The following TPRG1 variants were observed in gnomAD, a reference collection of about 807,000 sequenced individuals.
The protein encoded by TPRG1 is tumor protein p63-regulated gene 1 protein.
Under a neutral mutation model 29.3 loss-of-function variants are expected in TPRG1, and 29 were observed. That is an observed-to-expected ratio of 0.99 (90% confidence interval 0.74 to 1.35). TPRG1 has a LOEUF of 1.35. Ranked by LOEUF, TPRG1 falls within the 40% of genes most tolerant of loss-of-function variation. The pLI is 0.00. For synonymous variants in TPRG1, 130 were observed against 116.8 expected (o/e 1.11, Z -0.73); for missense variants, 327 against 335.0 (o/e 0.98, Z 0.19).
chr3:189,211,494 C>G (rs1176101517), intron 2 of TPRG1: 2 of 152,174 alleles, frequency 1.3e-5, no homozygotes, highest in Non-Finnish European at 2.9e-5. Flanking sequence ...GACCACATCA[C>G]TCAATACTGG....
rs532183854 is a variant in TPRG1 at position 189,055,225 on chromosome 3, G to T, written c.-463+31279G>T. Among the ~76,000 whole-genome samples, 4 of 152,282 alleles carry T rather than the reference G, an allele frequency of 2.6e-5. No homozygotes were observed. In the South Asian group the frequency reaches 8.3e-4, roughly 32 times the overall value. Reference sequence around the variant, plus strand: ...TAAAAGTACCACTGTCTTTCTTCTAGTGTTATCTCTTATTTCCTCTTCTTT... The same window carrying T: ...TAAAAGTACCACTGTCTTTCTTCTATTGTTATCTCTTATTTCCTCTTCTTT... On this transcript the variant is annotated intron_variant, in intron 4 of 10. Transcript: ENST00000433971.
At chr3:189,002,631 G>T (rs540022103) in intron 2 of TPRG1, among the ~76,000 whole-genome samples, 2 of 152,242 alleles carry the variant, frequency 1.3e-5, no homozygotes, top group South Asian at 4.1e-4. Context: ...AGGGAAACCT[G>T]CTCACTCCAT....
intron 4 of TPRG1, among the ~76,000 whole-genome samples, chr3:189,264,767 C>T (rs1322274268): frequency 6.6e-6 from 1 of 152,192 alleles, no homozygotes; most frequent in African/African-American, 2.4e-5. Context: ...TCTTCCTAAA[C>T]AGTAACTCCC....
At chr3:189,281,334 C>T (rs1007554046) in intron 4 of TPRG1, among the ~76,000 whole-genome samples, 3 of 152,044 alleles carry the variant, frequency 2.0e-5, no homozygotes, top group African/African-American at 7.2e-5. Flanking sequence ...AAAACATGTT[C>T]TTTATTGATT....
intron 1 of TPRG1, among the ~76,000 whole-genome samples, chr3:189,117,405 C>T (rs895047041): frequency 6.6e-6 from 1 of 152,190 alleles, no homozygotes; most frequent in South Asian, 2.1e-4. Flanking sequence ...CTCACACTTC[C>T]AGTTTATATC....
chr3:189,313,611 A>C (rs756632610), intron 5 of TPRG1, among the ~76,000 whole-genome samples: 1 of 152,196 alleles, frequency 6.6e-6, no homozygotes, highest in Non-Finnish European at 1.5e-5. Context: ...ATACATGAAA[A>C]TATTCAAACT....
At chr3:189,077,886 T>C (rs954945176) in intron 4 of TPRG1, among the ~76,000 whole-genome samples, 7 of 152,178 alleles carry the variant, frequency 4.6e-5, no homozygotes, top group Admixed American at 1.3e-4. Flanking sequence ...TTAAACTTAA[T>C]ATAGTTTACC....
intron 4 of TPRG1, among the ~76,000 whole-genome samples, chr3:189,063,419 T>A (rs1412419674): frequency 6.6e-6 from 1 of 152,064 alleles, no homozygotes; most frequent in African/African-American, 2.4e-5. Context: ...ACCAATAGTA[T>A]CTAAACGACA....
intron 4 of TPRG1, among the ~76,000 whole-genome samples, chr3:189,041,860 C>T (rs1373127690): frequency 1.3e-5 from 2 of 152,180 alleles, no homozygotes; most frequent in East Asian, 3.9e-4. Context: ...CTGTTTATTT[C>T]CTTAGGATGT....
At chr3:189,081,995 G>A (rs574569542) in intron 4 of TPRG1, among the ~76,000 whole-genome samples, 1 of 152,280 alleles carries the variant, frequency 6.6e-6, no homozygotes, top group African/African-American at 2.4e-5. Context: ...AGAGTTGGGG[G>A]TTATTTGATA....
In TPRG1 at chr3:189,268,868, T is replaced by C. The variant is rs747247992; in HGVS notation, c.479+29959T>C. Among the ~76,000 whole-genome samples the C allele has an allele frequency of 8.0e-4, 122 of 152,344 alleles. 1 individual carries two copies. In the Middle Eastern group the frequency reaches 0.017, roughly 21 times the overall value. ...ACAGAATCTAGGAAGCTAGAGACTT[T>C]GGATCTTTCAGGCTTTAGGGTGCTC... On this transcript the variant is annotated intron_variant, in intron 4 of 5. Coordinates refer to ENST00000345063, the MANE Select transcript of TPRG1 (RefSeq NM_198485.4).
At chr3:189,168,676 A>G (rs932500662), upstream of TPRG1, among the ~76,000 whole-genome samples, 1 of 152,090 alleles carries the variant, frequency 6.6e-6, no homozygotes, top group Non-Finnish European at 1.5e-5. Flanking sequence ...GGAAATTCAT[A>G]TTGCTTAGTA....
intron 5 of TPRG1, among the ~76,000 whole-genome samples, chr3:189,152,963 C>T (rs1268511118): frequency 2.6e-5 from 4 of 151,986 alleles, no homozygotes; most frequent in Middle Eastern, 3.2e-3. Context: ...GACTGCTACC[C>T]GCCGTTATTT....
At chr3:189,112,449 C>T (rs1228339942) in intron 1 of TPRG1, among the ~76,000 whole-genome samples, 1 of 152,094 alleles carries the variant, frequency 6.6e-6, no homozygotes, top group Non-Finnish European at 1.5e-5. Flanking sequence ...AAGTCCTTGC[C>T]CAAGCCTATG....
intron 1 of TPRG1, among the ~76,000 whole-genome samples, chr3:189,104,799 T>C (rs1719619754): frequency 6.6e-6 from 1 of 152,092 alleles, no homozygotes. Flanking sequence ...TATTGCTCTT[T>C]GTCTCATATT....
At chr3:189,249,003 G>A (rs1486904625) in intron 4 of TPRG1, among the ~76,000 whole-genome samples, 1 of 151,150 alleles carries the variant, frequency 6.6e-6, no homozygotes, top group African/African-American at 2.4e-5. Flanking sequence ...TAAATAAATG[G>A]TAGTGAGATT....
At chr3:189,159,766 C>T (rs140297593) in intron 5 of TPRG1, among the ~76,000 whole-genome samples, 2 of 151,862 alleles carry the variant, frequency 1.3e-5, no homozygotes, top group Non-Finnish European at 2.9e-5. Flanking sequence ...CAATTTCAGG[C>T]ACTGCAGATT....
At position 189,149,690 on chromosome 3, in the gene TPRG1, G is replaced by A. The variant is rs537491474; in HGVS notation, c.-226-966G>A. Among the ~76,000 whole-genome samples the A allele has an allele frequency of 5.9e-5, 9 of 152,124 alleles. No homozygotes were observed. In the East Asian group the frequency reaches 9.7e-4, roughly 16 times the overall value. ...TCTCTTGTTCCTTGTCTTTACTCAC[G>A]CCTTGCCCACTCTCTCTGCATGGTG... On this transcript the variant is annotated intron_variant, in intron 4 of 6. Transcript: ENST00000412373.
At position 189,215,280 on chromosome 3, in the gene TPRG1, CT is replaced by C; in HGVS notation, c.211-9del. On this transcript the variant is annotated splice_polypyrimidine_tract_variant and intron_variant, in intron 2 of 5. Transcript: ENST00000345063. ...TCTGCTCTAAACTAGGTATTTTCTC[CT>C]TTCCACACAGCCGGGGGCCATTGAG... is the stretch of plus-strand genomic sequence containing the variant. 1 of 1,605,164 alleles carries C rather than the reference CT, an allele frequency of 6.2e-7. No individual in the cohort carries two copies. Among genetic ancestry groups the C allele is most frequent in the Non-Finnish European group, 8.5e-7 (1 of 1,176,990 alleles).
Sources: gnomAD v4.1 joint callset for allele counts (sites outside exome capture counted in the v4.1 genomes callset) on GRCh38, gnomAD v4.1.1 for gene constraint, MANE v1.5 for transcripts, NCBI Gene and HGNC (gene_info 2026-07-23, HGNC 2026-07-21) for gene names.